The following PTPRM variants were observed in gnomAD, a reference collection of about 807,000 sequenced individuals.
The protein encoded by PTPRM is protein tyrosine phosphatase receptor type M.
PTPRM carries 47 observed loss-of-function variants against 186.7 expected under a neutral mutation model. The observed-to-expected ratio is 0.25, with a 90% CI of 0.20 to 0.32. The LOEUF is 0.32. Among genes scored for constraint, PTPRM ranks in the 10% least tolerant of loss-of-function variants. PTPRM has a pLI of 1.00. For missense variants in PTPRM, 1,494 were observed against 1,865.0 expected (o/e 0.80, Z 3.66); for synonymous variants, 668 against 674.9 (o/e 0.99, Z 0.16).
At chr18:7,800,686 G>A (rs2043911471) in intron 2 of PTPRM, among the ~76,000 whole-genome samples, 1 of 152,076 alleles carries the variant, frequency 6.6e-6, no homozygotes, top group Non-Finnish European at 1.5e-5. Context: ...TTAATAGCAG[G>A]GATACATTCT....
intron 23 of PTPRM, among the ~76,000 whole-genome samples, chr18:8,363,196 C>T (rs1036490836): frequency 9.9e-5 from 15 of 152,206 alleles, no homozygotes; most frequent in African/African-American, 3.6e-4. Flanking sequence ...CTTAATCTCT[C>T]CCAGCTTTAC....
At chr18:8,168,867 C>T (rs934203397) in intron 14 of PTPRM, among the ~76,000 whole-genome samples, 5 of 152,166 alleles carry the variant, frequency 3.3e-5, no homozygotes, top group African/African-American at 1.2e-4. Context: ...ATGGTGTGTT[C>T]ACACCTTTAC....
intron 22 of PTPRM, among the ~76,000 whole-genome samples, chr18:8,341,633 A>G (rs2095475263): frequency 6.6e-6 from 1 of 150,478 alleles, no homozygotes; most frequent in Non-Finnish European, 1.5e-5. Flanking sequence ...CATCAGAACT[A>G]TTTCTGGAAG....
intron 1 of PTPRM, among the ~76,000 whole-genome samples, chr18:7,616,107 G>A (rs921045650): frequency 6.6e-6 from 1 of 152,200 alleles, no homozygotes; most frequent in African/African-American, 2.4e-5. Flanking sequence ...TGGCCTGTGG[G>A]TTGTGGACCC....
intron 7 of PTPRM, among the ~76,000 whole-genome samples, chr18:8,050,491 GAAAA>G (rs112835362): frequency 7.0e-6 from 1 of 142,730 alleles, no homozygotes; most frequent in Non-Finnish European, 1.5e-5. Context: ...TTAGTTTCCT[GAAAA>G]AAAAAAACCC....
intron 7 of PTPRM, among the ~76,000 whole-genome samples, chr18:7,972,596 C>T (rs1036538684): frequency 2.8e-5 from 4 of 144,536 alleles, no homozygotes; most frequent in African/African-American, 1.0e-4. Context: ...AAATATATTT[C>T]TGCTAAATAT....
chr18:8,063,401 C>A (rs917829471), intron 7 of PTPRM, among the ~76,000 whole-genome samples: 1 of 152,064 alleles, frequency 6.6e-6, no homozygotes, highest in Admixed American at 6.5e-5. Flanking sequence ...GCAGAAATCA[C>A]CCGTCTTCTG....
chr18:8,230,098 C>T (rs2094267055), intron 14 of PTPRM, among the ~76,000 whole-genome samples: 1 of 152,188 alleles, frequency 6.6e-6, no homozygotes, highest in Non-Finnish European at 1.5e-5. Context: ...TTCTTTTTAG[C>T]CTATCAGCCT....
At chr18:8,399,417 T>C (rs867805237) in intron 32 of PTPRM, among the ~76,000 whole-genome samples, 4 of 152,206 alleles carry the variant, frequency 2.6e-5, no homozygotes, top group Non-Finnish European at 5.9e-5. Context: ...ATCCAAACAG[T>C]GGCCTCTCAT....
intron 1 of PTPRM, among the ~76,000 whole-genome samples, chr18:7,641,914 A>G (rs1334185108): frequency 6.6e-6 from 1 of 152,176 alleles, no homozygotes; most frequent in Non-Finnish European, 1.5e-5. Context: ...TAAGTAAATG[A>G]TCTAAGGCGA....
intron 7 of PTPRM, among the ~76,000 whole-genome samples, chr18:8,008,241 A>T (rs1384616125): frequency 6.6e-6 from 1 of 152,162 alleles, no homozygotes; most frequent in Non-Finnish European, 1.5e-5. Flanking sequence ...ATTGCAGAGG[A>T]TCAGCTGTGT....
At chr18:8,032,174 A>T (rs935799009) in intron 7 of PTPRM, among the ~76,000 whole-genome samples, 1 of 152,088 alleles carries the variant, frequency 6.6e-6, no homozygotes, top group Non-Finnish European at 1.5e-5. Context: ...AAAACCAGTA[A>T]CTCTGGAGCC....
At chr18:7,683,980 C>CT in intron 1 of PTPRM, among the ~76,000 whole-genome samples, 1 of 152,238 alleles carries the variant, frequency 6.6e-6, no homozygotes, top group South Asian at 2.1e-4. Context: ...GGCTATCTGC[C>CT]TGCCTTTTCC....
chr18:7,909,279 C>A (rs1203341779), intron 4 of PTPRM, among the ~76,000 whole-genome samples: 2 of 152,146 alleles, frequency 1.3e-5, no homozygotes, highest in Non-Finnish European at 2.9e-5. Flanking sequence ...TTTCTGTAGC[C>A]ATAGAAATGG....
At chr18:7,835,750 A>T (rs115573287) in intron 2 of PTPRM, among the ~76,000 whole-genome samples, 2,640 of 152,132 alleles carry the variant, frequency 0.017, 38 homozygotes, top group African/African-American at 0.039. Flanking sequence ...TGGGTACTTC[A>T]ATGTTGGGCC....
At chr18:7,572,208 C>T (rs1167905906) in intron 1 of PTPRM, among the ~76,000 whole-genome samples, 2 of 152,084 alleles carry the variant, frequency 1.3e-5, no homozygotes, top group Non-Finnish European at 2.9e-5. Context: ...GTTATTTTTA[C>T]AGATTTTAAG....
intron 5 of PTPRM, among the ~76,000 whole-genome samples, chr18:7,942,441 G>A (rs989831677): frequency 6.6e-6 from 1 of 152,094 alleles, no homozygotes; most frequent in Non-Finnish European, 1.5e-5. Context: ...AATAAGCGGG[G>A]TGCACTGAAC....
At chr18:7,627,082 A>G (rs1372758434) in intron 1 of PTPRM, among the ~76,000 whole-genome samples, 1 of 151,906 alleles carries the variant, frequency 6.6e-6, no homozygotes, top group Non-Finnish European at 1.5e-5. Flanking sequence ...CCTCTTCTCG[A>G]GGTTCTGGGA....
intron 2 of PTPRM, among the ~76,000 whole-genome samples, chr18:7,885,743 A>G (rs1423341095): frequency 6.6e-6 from 1 of 152,184 alleles, no homozygotes; most frequent in Non-Finnish European, 1.5e-5. Flanking sequence ...GGATCTCAAC[A>G]TAAAAATTCT....
Sources: allele counts gnomAD v4.1 joint callset (sites outside exome capture counted in the v4.1 genomes callset), GRCh38; gene constraint gnomAD v4.1.1; transcripts MANE v1.5; gene names NCBI Gene and HGNC (gene_info 2026-07-23, HGNC 2026-07-21).